TXNDC9: variants seen among roughly 807,000 people sequenced by gnomAD.
The protein encoded by TXNDC9 is thioredoxin domain containing 9.
Under a neutral mutation model 23.0 loss-of-function variants are expected in TXNDC9, and 7 were observed. That is an observed-to-expected ratio of 0.30 (90% confidence interval 0.17 to 0.57). The LOEUF is 0.57. Ranked by LOEUF, TXNDC9 falls within the 20% of genes least tolerant of loss-of-function variation. TXNDC9 has a pLI of 0.90. For synonymous variants in TXNDC9, 72 were observed against 90.6 expected (o/e 0.79, Z 1.17); for missense variants, 198 against 252.6 (o/e 0.78, Z 1.47).
chr2:99,307,103 C>A, the TXNDC9 span, among the ~76,000 whole-genome samples: 3 of 102,990 alleles, frequency 2.9e-5, no homozygotes, highest in Non-Finnish European at 6.2e-5. Flanking sequence ...TCTCTCTCTC[C>A]TTCTCACTCT....
chr2:99,320,919 G>C (rs1365221654), intron 4 of TXNDC9, among the ~76,000 whole-genome samples: 1 of 152,022 alleles, frequency 6.6e-6, no homozygotes, highest in East Asian at 1.9e-4. Flanking sequence ...GTTTTTTGTA[G>C]AGACGAGGTC....
At chr2:99,308,887 G>A in the TXNDC9 span, among the ~76,000 whole-genome samples, 67 of 151,856 alleles carry the variant, frequency 4.4e-4, no homozygotes, top group East Asian at 0.011. Context: ...AATTTTTAGT[G>A]GAGACGGGGT....
chr2:99,310,229 G>A, the TXNDC9 span, among the ~76,000 whole-genome samples: 1 of 152,204 alleles, frequency 6.6e-6, no homozygotes, highest in Non-Finnish European at 1.5e-5. Flanking sequence ...GCAGTGCCAG[G>A]TACATGTGTA....
At chr2:99,335,712 T>C (rs2094237674) in intron 1 of TXNDC9, among the ~76,000 whole-genome samples, 2 of 152,190 alleles carry the variant, frequency 1.3e-5, no homozygotes, top group African/African-American at 4.8e-5. Flanking sequence ...TGGAACTTTA[T>C]AGAATGAGCC....
intron 3 of TXNDC9, among the ~76,000 whole-genome samples, chr2:99,324,729 T>C (rs146961166): frequency 6.6e-6 from 1 of 152,024 alleles, no homozygotes; most frequent in East Asian, 1.9e-4. Flanking sequence ...ACCCGCACCA[T>C]TGCCTGGCTA....
downstream of TXNDC9, among the ~76,000 whole-genome samples, chr2:99,316,462 T>C (rs2105315990): frequency 6.6e-6 from 1 of 152,284 alleles, no homozygotes; most frequent in Middle Eastern, 3.4e-3. Context: ...AGCCACAGCA[T>C]TGGGCCAATG....
At chr2:99,336,183 T>C in intron 1 of TXNDC9, 56 bp downstream of exon 1, 1 of 984,074 alleles carries the variant, frequency 1.0e-6, no homozygotes, top group East Asian at 1.1e-4. Context: ...AGCAGCAGAA[T>C]GTTCACCAGC....
rs2094196351 is a variant in TXNDC9 at position 99,319,429 on chromosome 2, T to C, written c.*253A>G. The C allele has an allele frequency of 6.1e-6, 2 of 330,234 alleles. No homozygotes were observed. Among genetic ancestry groups the C allele is most frequent in the South Asian group, 5.8e-5 (1 of 17,368 alleles). 20.5% of individuals were successfully genotyped at this position (330,234 alleles called of 1,614,324 possible). On this transcript the variant is annotated 3_prime_UTR_variant, in exon 5 of 5. Coordinates refer to ENST00000264255, the MANE Select transcript of TXNDC9 (RefSeq NM_005783.4). ...AAATGGTATAAAGATGTAAGAATCA[T>C]ATTGTGATAAAGTCAATCTCAAAAA... is the stretch of plus-strand genomic sequence containing the variant.
At chr2:99,327,682 CAT>C (rs768851394) in intron 2 of TXNDC9, 29 bp from the exon 3 acceptor site, 13 of 1,373,348 alleles carry the variant, frequency 9.5e-6, no homozygotes, top group South Asian at 1.2e-5. Flanking sequence ...AAACATTACA[CAT>C]GTGAGATATC....
Position 99,327,602 on chromosome 2 carries a change from C to G in TXNDC9, c.241G>C (p.Asp81His). The change falls in exon 3 of 5, where the codon GAC becomes CAC. Residue 81 changes from aspartate to histidine, a missense_variant. Asp to His is a moderately conservative substitution (Grantham distance 81). Transcript: ENST00000264255. Reference sequence around the variant, plus strand: ...CTCTCCTTGACTTCTTGAAAAAAGTCTCTTTCACTAGGGATTTCTCTGTAT... The same window carrying G: ...CTCTCCTTGACTTCTTGAAAAAAGTGTCTTTCACTAGGGATTTCTCTGTAT... ...GEYREIPSER[D>H]FFQEVKESEN... is the part of the protein sequence containing the mutation. The G allele has an allele frequency of 6.2e-7, 1 of 1,613,760 alleles. No homozygotes were observed. Among genetic ancestry groups the G allele is most frequent in the Non-Finnish European group, 8.5e-7 (1 of 1,179,884 alleles).
chr2:99,312,921 G>C, the TXNDC9 span, among the ~76,000 whole-genome samples: 2 of 152,136 alleles, frequency 1.3e-5, no homozygotes, highest in Non-Finnish European at 1.5e-5. Flanking sequence ...CCAGCCCTTT[G>C]GGAGGCCGAG....
chr2:99,310,843 T>C, the TXNDC9 span, among the ~76,000 whole-genome samples: 1 of 152,202 alleles, frequency 6.6e-6, no homozygotes, highest in Non-Finnish European at 1.5e-5. Context: ...ACAGCAGCAG[T>C]GGGCAACGCA....
Position 99,333,032 on chromosome 2 carries a change from T to G in TXNDC9, c.179A>C (p.Gln60Pro), listed in dbSNP as rs764529454. 3 of 1,613,950 alleles carry G rather than the reference T, an allele frequency of 1.9e-6. No homozygotes were observed. The South Asian group carries it at 3.3e-5, about 18-fold the overall frequency. The change falls in exon 2 of 5, where the codon CAG (glutamine) becomes CCG (proline). Residue 60 changes from glutamine (Q) to proline (P), a missense_variant. Coordinates refer to ENST00000264255, the MANE Select transcript of TXNDC9 (RefSeq NM_005783.4). ...KRLQALRKAQ[Q>P]QKQEWLSKGH... ...GGGCAGAGAGGTTACTTGTTTCTGC[T>G]GTTGAGCTTTCCTTAGTGCCTGGAG...
At chr2:99,306,820 C>T in the TXNDC9 span, 2 of 455,150 alleles carry the variant, frequency 4.4e-6, no homozygotes, top group Admixed American at 2.4e-5. Flanking sequence ...GGAACACAGT[C>T]TTGGCCATTC....
In TXNDC9 at chr2:99,321,914, T is replaced by C. The variant is rs370578892; in HGVS notation, c.563+41A>G. 7.2e-6 allele frequency: 11 copies of C among 1,536,130 alleles called. No individual in the cohort carries two copies. The African/African-American group carries it at 1.4e-4, about 19-fold the overall frequency. ...AAATCTTTTGTAAAAATATCAACTA[T>C]ATATGAATTAAAATCAATCTCTTCT... On this transcript the variant is annotated intron_variant, in intron 4 of 4. Transcript: ENST00000264255.
At chr2:99,315,287 G>A (rs906775285), downstream of TXNDC9, among the ~76,000 whole-genome samples, 1 of 151,632 alleles carries the variant, frequency 6.6e-6, no homozygotes, top group Non-Finnish European at 1.5e-5. Flanking sequence ...GGATGGTCTC[G>A]ATCTCCTGAC....
downstream of TXNDC9, among the ~76,000 whole-genome samples, chr2:99,318,781 A>G (rs1278476030): frequency 6.6e-6 from 1 of 152,138 alleles, no homozygotes; most frequent in Non-Finnish European, 1.5e-5. Context: ...AGGTGGAGGA[A>G]GGAGTGCCAA....
At chr2:99,332,379 G>A (rs1436086085) in intron 2 of TXNDC9, among the ~76,000 whole-genome samples, 4 of 152,178 alleles carry the variant, frequency 2.6e-5, no homozygotes, top group Admixed American at 2.0e-4. Context: ...GGAAGCGGAG[G>A]TTGCAGTGAG....
chr2:99,306,442 G>GTGCAT, the TXNDC9 span, among the ~76,000 whole-genome samples: 1 of 152,344 alleles, frequency 6.6e-6, no homozygotes, highest in East Asian at 1.9e-4. Flanking sequence ...CAAACAGCCT[G>GTGCAT]TAGGAAGGCC....
Sources: gnomAD v4.1 joint callset for allele counts (sites outside exome capture counted in the v4.1 genomes callset) on GRCh38, gnomAD v4.1.1 for gene constraint, MANE v1.5 for transcripts, NCBI Gene and HGNC (gene_info 2026-07-23, HGNC 2026-07-21) for gene names.